The following MUS81 variants were observed in gnomAD, a reference collection of about 807,000 sequenced individuals.
The protein encoded by MUS81 is MUS81 structure-specific endonuclease subunit, also known as structure-specific endonuclease subunit MUS81.
MUS81 carries 69 observed loss-of-function variants against 74.2 expected under a neutral mutation model. The ratio of observed to expected loss-of-function variants is 0.93; its 90% CI spans 0.77 to 1.14. The LOEUF is 1.14. Among genes scored for constraint, MUS81 ranks in the 50% most tolerant of loss-of-function variants. The probability of loss-of-function intolerance (pLI) is 0.00; values close to 1 mark genes in which losing one functional copy is unlikely to be tolerated. For synonymous variants in MUS81, 303 were observed against 300.6 expected (o/e 1.01, Z -0.08); for missense variants, 711 against 726.5 (o/e 0.98, Z 0.25).
At chr11:65,861,483 T>A (rs1348369697) in intron 3 of MUS81, 48 bp downstream of exon 3, 1 of 1,504,018 alleles carries the variant, frequency 6.6e-7, no homozygotes, top group Non-Finnish European at 9.0e-7. Context: ...AGTGCGGGAG[T>A]ATGATTTTCT....
At chr11:65,867,200 C>T, downstream of MUS81, 1 of 1,202,884 alleles carries the variant, frequency 8.3e-7, no homozygotes. Context: ...GCCAGGCTGC[C>T]ACCCCAGCCT....
chr11:65,861,021 G>A lies in MUS81; in HGVS notation c.184G>A (p.Glu62Lys), dbSNP rs1859579095. The change falls in exon 2 of 16, where the codon GAA (glutamate) becomes AAA (lysine). Residue 62 changes from glutamate (E) to lysine (K), a missense_variant. Coordinates refer to ENST00000308110, the MANE Select transcript of MUS81 (RefSeq NM_025128.5). ...RYPLPLRSGK[E>K]AKILQHFGDG... Reference sequence around the variant, plus strand: ...CCCACTGCCGCTGCGCAGCGGGAAGGAAGCTAAGATCCTACAGCACTTCGG... The same window carrying A: ...CCCACTGCCGCTGCGCAGCGGGAAGAAAGCTAAGATCCTACAGCACTTCGG... 6.2e-7 allele frequency: 1 copy of A among 1,612,572 alleles called. No individual in the cohort carries two copies. The highest frequency in any genetic ancestry group is 1.3e-5 in the African/African-American group (1 of 74,944).
intron 3 of MUS81, 106 bp downstream of exon 3, chr11:65,861,541 C>A: frequency 1.1e-6 from 1 of 904,030 alleles, no homozygotes; most frequent in Non-Finnish European, 1.7e-6. Flanking sequence ...CCAGTGATGC[C>A]TGGCCTTGAG....
In MUS81 at chr11:65,861,436, G is replaced by T. The variant is rs998101716; in HGVS notation, c.351+1G>T. 1.5e-5 allele frequency: 24 copies of T among 1,596,026 alleles called. No individual in the cohort carries two copies. Among genetic ancestry groups the T allele is most frequent in the Non-Finnish European group, 1.9e-5 (22 of 1,170,232 alleles). On this transcript the variant is annotated splice_donor_variant, in intron 3 of 15. Coordinates refer to ENST00000308110, the MANE Select transcript of MUS81 (RefSeq NM_025128.5). LOFTEE classifies it high-confidence loss of function. Reference sequence around the variant, plus strand: ...GGAAGTCCAGGACTCTTCCATGCCAGTGAGGAAGGGGCAAGGGGAGTGGAA... The same window carrying T: ...GGAAGTCCAGGACTCTTCCATGCCATTGAGGAAGGGGCAAGGGGAGTGGAA...
At position 65,860,784 on chromosome 11, in the gene MUS81, C is replaced by A; in HGVS notation, c.31C>A (p.Arg11Ser). Residue 11 changes from arginine (R) to serine (S), a missense_variant, in exon 1 of 16, where the codon CGC becomes AGC. Coordinates refer to ENST00000308110, the MANE Select transcript of MUS81 (RefSeq NM_025128.5). ...GGCCCCGGTCCGCCTGGGCCGGAAG[C>A]GCCCGCTGCCTGCCTGTCCCAACCC... MAAPVRLGRK[R>S]PLPACPNPLF... The A allele has an allele frequency of 6.5e-7, 1 of 1,537,346 alleles. No homozygotes were observed. Among genetic ancestry groups the A allele is most frequent in the South Asian group, 1.2e-5 (1 of 84,018 alleles).
At position 65,866,087 on chromosome 11, in the gene MUS81, G is replaced by A; in HGVS notation, c.*35G>A. 6.3e-7 allele frequency: 1 copy of A among 1,595,372 alleles called. No homozygotes were observed. The highest frequency in any genetic ancestry group is 8.5e-7 in the Non-Finnish European group (1 of 1,169,924). Reference sequence around the variant, plus strand: ...GTGAAACAGCCCCCAGCCCCCGTCTGTCCCCCAACCCAGGCTAGCCAGCCT... The same window carrying A: ...GTGAAACAGCCCCCAGCCCCCGTCTATCCCCCAACCCAGGCTAGCCAGCCT... On this transcript the variant is annotated 3_prime_UTR_variant, in exon 16 of 16. Coordinates refer to ENST00000308110, the MANE Select transcript of MUS81 (RefSeq NM_025128.5).
downstream of MUS81, chr11:65,867,123 G>A (rs1354173021): frequency 6.2e-7 from 1 of 1,610,928 alleles, no homozygotes; most frequent in Non-Finnish European, 8.5e-7. Context: ...GTGTCAGCCT[G>A]TGTGCTAGGC....
chr11:65,862,935 C>CAGG (rs776036440), intron 6 of MUS81, 130 bp from the exon 7 acceptor site: 17 of 1,146,802 alleles, frequency 1.5e-5, no homozygotes, highest in Non-Finnish European at 2.2e-5. Flanking sequence ...CCAGGAGGAG[C>CAGG]AGGAGCCACT....
In MUS81 at chr11:65,861,375, T is replaced by G. The variant is rs1441525327; in HGVS notation, c.291T>G (p.Ser97=). The change falls in exon 3 of 16, where the codon TCT becomes TCG. Residue 97 remains serine (S), a synonymous_variant. Coordinates refer to ENST00000308110, the MANE Select transcript of MUS81 (RefSeq NM_025128.5). ...SGGDHAPDSP[S]GENSPAPQGR... is the part of the protein sequence containing the mutation. ...GTGACCATGCCCCGGACTCACCATCTGGAGAGAACAGTCCAGCCCCGCAGG... is the reference window on the plus strand; with the variant it reads ...GTGACCATGCCCCGGACTCACCATCGGGAGAGAACAGTCCAGCCCCGCAGG... 1 of 1,602,298 alleles carries G rather than the reference T, an allele frequency of 6.2e-7. No individual in the cohort carries two copies. The highest frequency in any genetic ancestry group is 8.5e-7 in the Non-Finnish European group (1 of 1,173,346).
At chr11:65,861,648 G>A (rs1565265135) in intron 3 of MUS81, 2 of 605,516 alleles carry the variant, frequency 3.3e-6, no homozygotes, top group Non-Finnish European at 5.8e-6. Context: ...GCTACTTAAG[G>A]ATCCCAGCTC....
chr11:65,866,500 C>T (rs1160808090), downstream of MUS81: 4 of 702,624 alleles, frequency 5.7e-6, 1 homozygote, highest in Non-Finnish European at 1.0e-5. Flanking sequence ...TAGGGCTTAT[C>T]CAAATGTACA....
upstream of MUS81, chr11:65,860,350 C>T (rs1454262800): frequency 1.1e-5 from 5 of 471,162 alleles, no homozygotes; most frequent in East Asian, 6.2e-5. Context: ...CGTTAAGCGC[C>T]GCCCAGCCAG....
At position 65,862,012 on chromosome 11, in the gene MUS81, A is replaced by G. The variant is rs1859625180; in HGVS notation, c.417A>G (p.Arg139=). ...GGCCAGCTCGGCACTCAGGAGCCCG[A>G]GTGATACTGCTGGTGCTCTACCGGG... ...SYWPARHSGA[R]VILLVLYREH... is the part of the protein sequence containing the mutation. The change falls in exon 4 of 16, where the codon CGA becomes CGG. Residue 139 remains arginine, a synonymous_variant. Transcript: ENST00000308110. 6.2e-7 allele frequency: 1 copy of G among 1,610,712 alleles called. No homozygotes were observed. The highest frequency in any genetic ancestry group is 1.3e-5 in the African/African-American group (1 of 74,944).
At position 65,865,074 on chromosome 11, in the gene MUS81, A is replaced by G. The variant is rs765843176; in HGVS notation, c.1330A>G (p.Met444Val). Residue 444 changes from methionine to valine, a missense_variant, in exon 13 of 16, where the codon ATG becomes GTG. Coordinates refer to ENST00000308110, the MANE Select transcript of MUS81 (RefSeq NM_025128.5). Reference sequence around the variant, plus strand: ...CCCTGGGAACCCTGAATCAGGGGCCATGACCTCTCCAAACCCTCTCTGCTC... The same window carrying G: ...CCCTGGGAACCCTGAATCAGGGGCCGTGACCTCTCCAAACCCTCTCTGCTC... Reference protein sequence around the residue: ...GTPGNPESGAMTSPNPLCSLL... With the variant: ...GTPGNPESGAVTSPNPLCSLL... The G allele has an allele frequency of 1.1e-5, 18 of 1,614,006 alleles. No individual in the cohort carries two copies. The African/African-American group carries it at 2.4e-4, about 22-fold the overall frequency.
At chr11:65,866,969 C>A, downstream of MUS81, 2 of 1,614,172 alleles carry the variant, frequency 1.2e-6, no homozygotes, top group Non-Finnish European at 1.7e-6. Context: ...CAGAGCTGGC[C>A]CGGTAGCTCA....
At chr11:65,862,338 C>T (rs573404398) in intron 5 of MUS81, 59 bp downstream of exon 5, 6 of 1,598,990 alleles carry the variant, frequency 3.8e-6, no homozygotes, top group African/African-American at 1.3e-5. Context: ...CCAAAGACTG[C>T]CTTTTCTTGC....
At chr11:65,867,611 A>G, downstream of MUS81, 1 of 531,650 alleles carries the variant, frequency 1.9e-6, no homozygotes, top group Non-Finnish European at 3.4e-6. Flanking sequence ...TTTGTGGGTG[A>G]AGAAACTGAG....
intron 10 of MUS81, 87 bp from the exon 11 acceptor site, chr11:65,864,410 G>A (rs630755): frequency 0.6 from 736,527 of 1,219,474 alleles, 231,969 homozygotes; most frequent in Middle Eastern, 0.7. Context: ...ACAGGGTCCC[G>A]GCACCATTTT....
At chr11:65,864,048 A>C (rs935809040) in intron 10 of MUS81, 147 bp downstream of exon 10, 3 of 761,290 alleles carry the variant, frequency 3.9e-6, no homozygotes, top group African/African-American at 3.5e-5. Context: ...CTCCAGGATC[A>C]GACCCCCACA....
Sources: gnomAD v4.1 joint callset for allele counts on GRCh38, gnomAD v4.1.1 for gene constraint, MANE v1.5 for transcripts, NCBI Gene and HGNC (gene_info 2026-07-23, HGNC 2026-07-21) for gene names.